The following PTPRD variants were observed in gnomAD, a reference collection of about 807,000 sequenced individuals.
PTPRD encodes the protein protein tyrosine phosphatase receptor type D, also known as receptor-type tyrosine-protein phosphatase delta.
Under a neutral mutation model 214.5 loss-of-function variants are expected in PTPRD, and 34 were observed. The observed-to-expected ratio is 0.16, with a 90% CI of 0.12 to 0.21. PTPRD has a LOEUF of 0.21. Among genes scored for constraint, PTPRD ranks in the 10% least tolerant of loss-of-function variants. The pLI, the probability that PTPRD is intolerant of heterozygous loss-of-function variation, is 1.00. For missense variants in PTPRD, 2,545 were observed against 2,398.7 expected (o/e 1.06, Z -1.27); for synonymous variants, 1,128 against 845.7 (o/e 1.33, Z -5.79).
intron 8 of PTPRD, among the ~76,000 whole-genome samples, chr9:9,539,680 C>T (rs1296447925): frequency 6.6e-6 from 1 of 151,836 alleles, no homozygotes; most frequent in Non-Finnish European, 1.5e-5. Flanking sequence ...TCCCAAAGTG[C>T]TCACTGCCAT....
chr9:9,246,995 T>TCC (rs201121218), intron 9 of PTPRD, among the ~76,000 whole-genome samples: 8 of 89,824 alleles, frequency 8.9e-5, no homozygotes, highest in African/African-American at 3.3e-4. Flanking sequence ...CCACTCATTT[T>TCC]CCCCGAGTGA....
intron 2 of PTPRD, among the ~76,000 whole-genome samples, chr9:10,588,218 G>T (rs2074430491): frequency 6.6e-6 from 1 of 152,030 alleles, no homozygotes; most frequent in South Asian, 2.1e-4. Context: ...ATTAATGAGT[G>T]CTCTCAGTTT....
chr9:9,526,767 A>G (rs954380430), intron 8 of PTPRD, among the ~76,000 whole-genome samples: 8 of 152,200 alleles, frequency 5.3e-5, no homozygotes, highest in African/African-American at 1.2e-4. Flanking sequence ...ATGAGTTTAA[A>G]TAGTCAATAT....
intron 2 of PTPRD, among the ~76,000 whole-genome samples, chr9:10,572,836 G>T (rs1395835834): frequency 1.3e-5 from 2 of 151,876 alleles, no homozygotes; most frequent in Non-Finnish European, 2.9e-5. Flanking sequence ...ATGAAACAGT[G>T]TCCATCCACA....
intron 4 of PTPRD, among the ~76,000 whole-genome samples, chr9:9,978,016 G>C (rs1027130488): frequency 7.2e-5 from 11 of 151,752 alleles, no homozygotes; most frequent in African/African-American, 2.7e-4. Flanking sequence ...ATGAAAAAAA[G>C]TCAAAGAGAA....
At chr9:9,973,751 T>A (rs2154052835) in intron 4 of PTPRD, among the ~76,000 whole-genome samples, 1 of 152,276 alleles carries the variant, frequency 6.6e-6, no homozygotes, top group Admixed American at 6.5e-5. Flanking sequence ...TGTGAAAACA[T>A]GTTACTTGGC....
chr9:9,678,919 T>C (rs1440358756), intron 7 of PTPRD, among the ~76,000 whole-genome samples: 1 of 151,780 alleles, frequency 6.6e-6, no homozygotes, highest in Non-Finnish European at 1.5e-5. Flanking sequence ...CTAAAACTCA[T>C]GCCAGAAAAT....
At chr9:9,650,193 T>C (rs995124814) in intron 7 of PTPRD, among the ~76,000 whole-genome samples, 17 of 152,152 alleles carry the variant, frequency 1.1e-4, no homozygotes, top group African/African-American at 4.1e-4. Context: ...CACTCTCCTG[T>C]CACCATGTAA....
At chr9:9,312,861 T>C (rs868480296) in intron 9 of PTPRD, among the ~76,000 whole-genome samples, 69 of 152,280 alleles carry the variant, frequency 4.5e-4, no homozygotes, top group African/African-American at 1.6e-3. Flanking sequence ...GCCATACTTG[T>C]GATTGTTTAT....
intron 4 of PTPRD, among the ~76,000 whole-genome samples, chr9:9,982,490 G>A: frequency 6.9e-6 from 1 of 144,668 alleles, no homozygotes; most frequent in African/African-American, 2.7e-5. Flanking sequence ...GTGTGTGTGT[G>A]TGTGTGTGTG....
intron 11 of PTPRD, among the ~76,000 whole-genome samples, chr9:8,900,942 A>G (rs562718066): frequency 6.6e-6 from 1 of 152,294 alleles, no homozygotes; most frequent in East Asian, 1.9e-4. Context: ...ATTTTTCAAA[A>G]GTAATAAATG....
chr9:8,439,935 A>ATTTTTTTTTTTTTTTTTTT lies in PTPRD; in HGVS notation c.3989-3265_3989-3247dup, dbSNP rs1166530719. The stretch of plus-strand genomic sequence containing the variant: ...CATTTAAATTACTTGATGTGCTTTA[A>ATTTTTTTTTTTTTTTTTTT]TTTTTTTTTTTTTTTTTTTTTTTTT... On this transcript the variant is annotated intron_variant, in intron 34 of 45. Coordinates refer to ENST00000381196, the MANE Select transcript of PTPRD (RefSeq NM_002839.4). 5.0e-4 allele frequency among the ~76,000 whole-genome samples: 37 copies of ATTTTTTTTTTTTTTTTTTT among 73,310 alleles called. 1 individual carries two copies. Among genetic ancestry groups the ATTTTTTTTTTTTTTTTTTT allele is most frequent in the Non-Finnish European group, 7.7e-4 (31 of 40,504 alleles). The allele number at this position is 73,310 out of a possible 152,430, so 48.1% of individuals were successfully genotyped here.
At chr9:10,383,787 T>C (rs1302672332) in intron 2 of PTPRD, among the ~76,000 whole-genome samples, 1 of 151,880 alleles carries the variant, frequency 6.6e-6, no homozygotes, top group Admixed American at 6.6e-5. Context: ...CGTCTGACTC[T>C]AATCATAAGT....
chr9:10,523,309 T>A (rs903341531), intron 2 of PTPRD, among the ~76,000 whole-genome samples: 4 of 151,974 alleles, frequency 2.6e-5, no homozygotes, highest in Non-Finnish European at 4.4e-5. Flanking sequence ...ACACTTGTGT[T>A]GCCTGCCTGG....
At chr9:9,547,703 T>G (rs2079122336) in intron 8 of PTPRD, among the ~76,000 whole-genome samples, 1 of 151,928 alleles carries the variant, frequency 6.6e-6, no homozygotes, top group Admixed American at 6.6e-5. Context: ...GAAAAAGTAT[T>G]TGAAGGCTAT....
chr9:9,181,988 T>A (rs76844081), intron 10 of PTPRD, among the ~76,000 whole-genome samples: 2 of 151,992 alleles, frequency 1.3e-5, no homozygotes, highest in Non-Finnish European at 2.9e-5. Context: ...GAATGAGTAG[T>A]ATTTTAAGAG....
At chr9:9,670,375 A>G (rs916878540) in intron 7 of PTPRD, among the ~76,000 whole-genome samples, 1 of 152,210 alleles carries the variant, frequency 6.6e-6, no homozygotes, top group Non-Finnish European at 1.5e-5. Context: ...GGAGCAGAGC[A>G]TAAAAGTTAA....
chr9:8,357,638 A>T (rs888988618), intron 39 of PTPRD, among the ~76,000 whole-genome samples: 1 of 152,144 alleles, frequency 6.6e-6, no homozygotes, highest in African/African-American at 2.4e-5. Flanking sequence ...AGGAAAATGA[A>T]GTTTTTTTCT....
At chr9:8,689,664 A>T (rs993418379) in intron 12 of PTPRD, among the ~76,000 whole-genome samples, 2 of 152,200 alleles carry the variant, frequency 1.3e-5, no homozygotes, top group African/African-American at 4.8e-5. Flanking sequence ...CATGGGAATT[A>T]TAGGAGTACA....
Sources: gnomAD v4.1 joint callset for allele counts (sites outside exome capture counted in the v4.1 genomes callset) on GRCh38, gnomAD v4.1.1 for gene constraint, MANE v1.5 for transcripts, NCBI Gene and HGNC (gene_info 2026-07-23, HGNC 2026-07-21) for gene names.